The following DCX variants were observed in gnomAD, a reference collection of about 807,000 sequenced individuals.
DCX encodes the protein doublecortin, also known as neuronal migration protein doublecortin.
In DCX, 4 loss-of-function variants were observed where a neutral mutation model predicts 20.9. The observed-to-expected ratio is 0.19, with a 90% confidence interval of 0.09 to 0.44. DCX has a LOEUF of 0.44. DCX is among the 20% of genes least tolerant of loss of function. The pLI is 0.99. For missense variants in DCX, 133 were observed against 296.9 expected, an observed-to-expected ratio of 0.45 and a Z score of 4.06; for synonymous variants, 103 against 111.4, an observed-to-expected ratio of 0.92 and a Z score of 0.47.
At chrX:111,348,230 C>G (rs917743701) in intron 3 of DCX, among the ~76,000 whole-genome samples, 1 of 111,451 alleles carries the variant, frequency 9.0e-6, no homozygotes, top group East Asian at 2.8e-4. Context: ...ACAGGGGAGA[C>G]CCAGGTAAGG....
chrX:111,327,575 A>G (rs781482716), intron 5 of DCX, among the ~76,000 whole-genome samples: 21 of 112,427 alleles, frequency 1.9e-4, no homozygotes, highest in African/African-American at 2.6e-4. Flanking sequence ...ATCCTTATCT[A>G]TAGAGATTCA....
At chrX:111,351,854 A>C (rs776402226) in intron 3 of DCX, among the ~76,000 whole-genome samples, 1 of 111,823 alleles carries the variant, frequency 8.9e-6, no homozygotes, top group African/African-American at 3.3e-5. Context: ...CCTCCTGTGT[A>C]GCTGGGACTA....
chrX:111,300,333 G>GAA lies in DCX; in HGVS notation c.*1352_*1353dup, dbSNP rs1190770270. The GAA allele has an allele frequency of 1.8e-5, 2 of 112,276 alleles. No individual in the cohort carries two copies. Among genetic ancestry groups the GAA allele is most frequent in the African/African-American group, 6.5e-5 (2 of 30,826 alleles). The allele number at this position is 112,276 out of a possible 1,213,427, so 9.3% of individuals were successfully genotyped here. On this transcript the variant is annotated 3_prime_UTR_variant, in exon 7 of 7. Transcript: ENST00000636035. Reference sequence around the variant, plus strand: ...TCAAATGATCAGTCCTTAGTAAAGAGAAATCCTTTCTAATGTTAAAGACAA... The same window carrying GAA: ...TCAAATGATCAGTCCTTAGTAAAGAGAAAAATCCTTTCTAATGTTAAAGACAA...
chrX:111,329,258 T>C (rs1170058842), intron 5 of DCX, among the ~76,000 whole-genome samples: 2 of 112,052 alleles, frequency 1.8e-5, no homozygotes, highest in Non-Finnish European at 3.8e-5. Flanking sequence ...CAAGATAGCA[T>C]CAAGGCACAT....
intron 3 of DCX, among the ~76,000 whole-genome samples, chrX:111,378,701 T>G (rs1002010428): frequency 9.0e-6 from 1 of 111,035 alleles, no homozygotes; most frequent in African/African-American, 3.3e-5. Context: ...AAGCATCCAT[T>G]TTATCTCTGT....
intron 3 of DCX, 86 bp downstream of exon 3, chrX:111,400,904 C>T (rs1295160745): frequency 6.9e-6 from 6 of 867,359 alleles, no homozygotes; most frequent in Admixed American, 2.3e-5. Context: ...AGGAAGAGTC[C>T]GTCAACAAGA....
chrX:111,338,403 A>C (rs1304440076), intron 3 of DCX, among the ~76,000 whole-genome samples: 7 of 111,448 alleles, frequency 6.3e-5, no homozygotes, highest in Non-Finnish European at 1.3e-4. Flanking sequence ...TGGCAGGGAA[A>C]TTTTGCAAAA....
At chrX:111,336,941 AAAAG>A (rs1264572518) in intron 3 of DCX, among the ~76,000 whole-genome samples, 3 of 111,269 alleles carry the variant, frequency 2.7e-5, no homozygotes. Context: ...AAGGAGGGAG[AAAAG>A]AAAGAAGAAG....
chrX:111,385,776 G>A, intron 3 of DCX, among the ~76,000 whole-genome samples: 1 of 87,461 alleles, frequency 1.1e-5, no homozygotes, highest in Non-Finnish European at 2.3e-5. Context: ...AGGGAAGGAG[G>A]GAGGGAGGGA....
chrX:111,407,795 T>C (rs1488785771), intron 2 of DCX, among the ~76,000 whole-genome samples: 1 of 75,958 alleles, frequency 1.3e-5, no homozygotes, highest in African/African-American at 4.8e-5. Flanking sequence ...TCGTGATACA[T>C]CAATACGCAC....
Position 111,296,960 on chromosome X carries a change from A to G in DCX, c.*4727T>C, listed in dbSNP as rs2095022742. On this transcript the variant is annotated 3_prime_UTR_variant, in exon 7 of 7. Coordinates refer to ENST00000636035, the MANE Select transcript of DCX (RefSeq NM_001195553.2). ...TTCTGGGGACCAGGCTTTAGGAGAA[A>G]GGGAGGGAAGGCACCTTTTCCTGAA... is the stretch of plus-strand genomic sequence containing the variant. 1 of 110,451 alleles carries G rather than the reference A, an allele frequency of 9.1e-6. No individual in the cohort carries two copies. Among genetic ancestry groups the G allele is most frequent in the South Asian group, 4.0e-4 (1 of 2,531 alleles). 9.1% of individuals were successfully genotyped at this position (110,451 alleles called of 1,213,427 possible).
intron 3 of DCX, among the ~76,000 whole-genome samples, chrX:111,378,769 T>G (rs748824216): frequency 1.8e-5 from 2 of 111,599 alleles, no homozygotes; most frequent in East Asian, 5.7e-4. Flanking sequence ...TTGAATTGAC[T>G]GCTGCTAAGA....
chrX:111,341,438 CA>C (rs1922225796), intron 3 of DCX, among the ~76,000 whole-genome samples: 1 of 110,779 alleles, frequency 9.0e-6, no homozygotes, highest in South Asian at 3.9e-4. Context: ...GGAAACAAGC[CA>C]AAAAACACAC....
At chrX:111,316,092 A>ATAAATAAATTAATT (rs1556369834) in intron 5 of DCX, among the ~76,000 whole-genome samples, 1 of 96,357 alleles carries the variant, frequency 1.0e-5, no homozygotes, top group African/African-American at 4.5e-5. Flanking sequence ...AAAATAAAAA[A>ATAAATAAATTAATT]AAAAAAAAAA....
intron 3 of DCX, among the ~76,000 whole-genome samples, chrX:111,375,231 C>CA (rs1191333754): frequency 1.9e-5 from 2 of 107,941 alleles, no homozygotes; most frequent in Non-Finnish European, 3.8e-5. Context: ...AACACACACA[C>CA]AAAAAAGGAA....
intron 3 of DCX, among the ~76,000 whole-genome samples, chrX:111,342,201 CAAA>C (rs775762991): frequency 8.3e-5 from 2 of 24,214 alleles, no homozygotes; most frequent in African/African-American, 1.1e-4. Context: ...AAAAGGAAAG[CAAA>C]AAAAAAAAAA....
intron 3 of DCX, among the ~76,000 whole-genome samples, chrX:111,373,966 A>G (rs1309774267): frequency 8.9e-6 from 1 of 112,198 alleles, no homozygotes; most frequent in East Asian, 2.8e-4. Flanking sequence ...AGAGATTTGG[A>G]ATTAAATGCA....
chrX:111,355,070 G>T (rs1392109100), intron 3 of DCX, among the ~76,000 whole-genome samples: 1 of 112,429 alleles, frequency 8.9e-6, no homozygotes, highest in East Asian at 2.8e-4. Context: ...ATCAACAGTT[G>T]TTTAACCTAC....
chrX:111,322,747 C>T (rs1410300080), intron 5 of DCX, among the ~76,000 whole-genome samples: 1 of 112,443 alleles, frequency 8.9e-6, no homozygotes, highest in African/African-American at 3.2e-5. Flanking sequence ...GGAGCAAGAA[C>T]TGAGAGCCTG....
Sources: allele counts gnomAD v4.1 joint callset (sites outside exome capture counted in the v4.1 genomes callset), GRCh38; gene constraint gnomAD v4.1.1; transcripts MANE v1.5; gene names NCBI Gene and HGNC (gene_info 2026-07-23, HGNC 2026-07-21).